GLT6D1: variants seen among roughly 807,000 people sequenced by gnomAD.
GLT6D1 encodes putative glycosyltransferase 6 domain-containing protein 1.
GLT6D1 carries 9 observed loss-of-function variants against 12.3 expected under a neutral mutation model. That is an observed-to-expected ratio of 0.73 (90% CI 0.44 to 1.27). The LOEUF (loss-of-function observed/expected upper bound fraction) is 1.27, where lower values mean the gene tolerates loss of function less well. Ranked by LOEUF, GLT6D1 falls within the 50% of genes most tolerant of loss-of-function variation. GLT6D1 has a pLI of 0.00. For missense variants in GLT6D1, 335 were observed against 346.2 expected (o/e 0.97, Z 0.26); for synonymous variants, 128 against 132.3 (o/e 0.97, Z 0.23).
At position 135,639,116 on chromosome 9, in the gene GLT6D1, C is replaced by T; in HGVS notation, c.71+1G>A. ...ATGATTTATCAATACTTTATATTTA[C>T]CTGAAATAACGCTCAACCAACATCA... On this transcript the variant is annotated splice_donor_variant, in intron 2 of 4. Coordinates refer to ENST00000371763, the MANE Select transcript of GLT6D1 (RefSeq NM_182974.3). LOFTEE classifies it high-confidence loss of function. 2.0e-6 allele frequency: 3 copies of T among 1,511,830 alleles called. No individual in the cohort carries two copies. Among genetic ancestry groups the T allele is most frequent in the African/African-American group, 2.8e-5 (2 of 72,554 alleles). 93.7% of individuals were successfully genotyped at this position (1,511,830 alleles called of 1,614,324 possible).
intron 3 of GLT6D1, 84 bp from the exon 4 acceptor site, chr9:135,626,290 G>C: frequency 2.1e-6 from 3 of 1,446,618 alleles, no homozygotes; most frequent in Non-Finnish European, 2.9e-6. Flanking sequence ...CTAATGCTTA[G>C]AGAGCACCTA....
intron 4 of GLT6D1, among the ~76,000 whole-genome samples, chr9:135,624,985 C>A (rs1256830471): frequency 1.3e-5 from 2 of 150,636 alleles, no homozygotes; most frequent in Non-Finnish European, 2.9e-5. Flanking sequence ...CTCAGGTGAT[C>A]CCACCCACCT....
chr9:135,626,280 C>A (rs1833516524), intron 3 of GLT6D1, 74 bp from the exon 4 acceptor site: 1 of 1,520,828 alleles, frequency 6.6e-7, no homozygotes. Flanking sequence ...GCAGTAATGC[C>A]TAATGCTTAG....
Position 135,623,962 on chromosome 9 carries a change from C to T in GLT6D1, c.*135G>A, listed in dbSNP as rs1833419447. 1 of 608,002 alleles carries T rather than the reference C, an allele frequency of 1.6e-6. No homozygotes were observed. Among genetic ancestry groups the T allele is most frequent in the Admixed American group, 3.4e-5 (1 of 29,618 alleles). 37.7% of individuals were successfully genotyped at this position (608,002 alleles called of 1,614,324 possible). A position where few individuals can be genotyped will look rare whatever the true frequency, so the allele number is the denominator to read the frequency against. On this transcript the variant is annotated 3_prime_UTR_variant, in exon 5 of 5. Coordinates refer to ENST00000371763, the MANE Select transcript of GLT6D1 (RefSeq NM_182974.3). The stretch of plus-strand genomic sequence containing the variant: ...GACTTCCCTCATTTATAAGAAATTG[C>T]CGTGATTCATTTATTCGTCATAAAC...
chr9:135,634,442 C>CTTTTTTTTTTTTTTTTTTTT (rs370291630), intron 2 of GLT6D1, among the ~76,000 whole-genome samples: 2 of 54,862 alleles, frequency 3.6e-5, no homozygotes, highest in Admixed American at 2.7e-4. Flanking sequence ...TTTTCCTTTC[C>CTTTTTTTTTTTTTTTTTTTT]TTTTTTTTTT....
chr9:135,634,442 C>CTCTTTT (rs1833719412), intron 2 of GLT6D1, among the ~76,000 whole-genome samples: 2 of 54,862 alleles, frequency 3.6e-5, no homozygotes, highest in African/African-American at 1.6e-4. Flanking sequence ...TTTTCCTTTC[C>CTCTTTT]TTTTTTTTTT....
At position 135,624,633 on chromosome 9, in the gene GLT6D1, C is replaced by T. The variant is rs547628590; in HGVS notation, c.295G>A (p.Ala99Thr). Residue 99 changes from alanine to threonine, a missense_variant, in exon 5 of 5, where the codon GCA becomes ACA. Coordinates refer to ENST00000371763, the MANE Select transcript of GLT6D1 (RefSeq NM_182974.3). Reference protein sequence around the residue: ...EEYLRPFLHSANKHFMTGYRV... With the variant: ...EEYLRPFLHSTNKHFMTGYRV... ...TAGCCTGTCATGAAGTGCTTATTTG[C>T]GGAGTGTAGGAACGGCCTCAGGTAC... is the stretch of plus-strand genomic sequence containing the variant. 2.2e-5 allele frequency: 35 copies of T among 1,606,478 alleles called. No homozygotes were observed. The highest frequency in any genetic ancestry group is 1.0e-4 in the South Asian group (9 of 90,230).
intron 2 of GLT6D1, among the ~76,000 whole-genome samples, chr9:135,634,679 T>G (rs1013068506): frequency 6.6e-6 from 1 of 151,946 alleles, no homozygotes; most frequent in African/African-American, 2.4e-5. Flanking sequence ...GAGTCCATAC[T>G]TTGGTTGGAT....
In GLT6D1 at chr9:135,624,342, C is replaced by A. The variant is rs182523305; in HGVS notation, c.586G>T (p.Ala196Ser). The change falls in exon 5 of 5, where the codon GCC becomes TCC. Residue 196 changes from alanine to serine, a missense_variant. Ala to Ser is a moderately conservative substitution (Grantham distance 99). Coordinates refer to ENST00000371763, the MANE Select transcript of GLT6D1 (RefSeq NM_182974.3). ...TLGPLVAQLH[A>S]WWYFRNTKNF... ...TTGGTGTTTCTGAAATACCACCAGG[C>A]GTGGAGCTGGGCCACCAACGGGCCC... The A allele has an allele frequency of 1.2e-6, 2 of 1,613,078 alleles. No homozygotes were observed. Among genetic ancestry groups the A allele is most frequent in the Admixed American group, 1.7e-5 (1 of 59,902 alleles).
chr9:135,624,432 C>T lies in GLT6D1; in HGVS notation c.496G>A (p.Val166Met), dbSNP rs1588197500. 1 of 1,614,182 alleles carries T rather than the reference C, an allele frequency of 6.2e-7. No individual in the cohort carries two copies. The highest frequency in any genetic ancestry group is 1.1e-5 in the South Asian group (1 of 91,080). ...EHIASHIQDE[V>M]DFLFSMAANQ... is the part of the protein sequence containing the mutation. ...GCAGCCATGCTGAAGAGGAAGTCCA[C>T]CTCGTCCTGGATGTGACTGGCGATG... is the stretch of plus-strand genomic sequence containing the variant. The change falls in exon 5 of 5, where the codon GTG becomes ATG. Residue 166 changes from valine to methionine, a missense_variant. Val to Met is a conservative substitution (Grantham distance 21). Coordinates refer to ENST00000371763, the MANE Select transcript of GLT6D1 (RefSeq NM_182974.3).
At chr9:135,634,442 C>CTTTTTTTTTTTTTTTTTTTTTTTTTCT (rs370291630) in intron 2 of GLT6D1, among the ~76,000 whole-genome samples, 3 of 54,860 alleles carry the variant, frequency 5.5e-5, no homozygotes, top group Non-Finnish European at 9.4e-5. Context: ...TTTTCCTTTC[C>CTTTTTTTTTTTTTTTTTTTTTTTTTCT]TTTTTTTTTT....
intron 3 of GLT6D1, among the ~76,000 whole-genome samples, chr9:135,631,077 C>T (rs1228969429): frequency 6.6e-6 from 1 of 152,066 alleles, no homozygotes; most frequent in Non-Finnish European, 1.5e-5. Context: ...GAACACAACA[C>T]AAAGTTGAAA....
intron 2 of GLT6D1, among the ~76,000 whole-genome samples, chr9:135,631,783 C>G (rs374981353): frequency 2.0e-5 from 3 of 152,078 alleles, no homozygotes; most frequent in African/African-American, 2.4e-5. Context: ...TATATTCAGA[C>G]AAAAACATAG....
chr9:135,633,034 C>A (rs370552904), intron 2 of GLT6D1, among the ~76,000 whole-genome samples: 23 of 152,150 alleles, frequency 1.5e-4, no homozygotes, highest in African/African-American at 5.3e-4. Flanking sequence ...CACGCACACA[C>A]GCAAGCACAC....
intron 3 of GLT6D1, among the ~76,000 whole-genome samples, chr9:135,628,325 T>C (rs948197021): frequency 6.6e-5 from 10 of 152,126 alleles, no homozygotes; most frequent in Non-Finnish European, 1.5e-4. Context: ...TTTCTGCATC[T>C]ATTGAGATGA....
At chr9:135,627,011 A>C (rs1408497029) in intron 3 of GLT6D1, among the ~76,000 whole-genome samples, 2 of 152,226 alleles carry the variant, frequency 1.3e-5, no homozygotes. Context: ...TCAACTTGAC[A>C]AAGAACATCT....
chr9:135,624,373 C>G lies in GLT6D1; in HGVS notation c.555G>C (p.Glu185Asp), dbSNP rs1457488394. 2 of 1,614,022 alleles carry G rather than the reference C, an allele frequency of 1.2e-6. No individual in the cohort carries two copies. Among genetic ancestry groups the G allele is most frequent in the East Asian group, 4.5e-5 (2 of 44,900 alleles). Residue 185 changes from glutamate to aspartate, a missense_variant, in exon 5 of 5, where the codon GAG (glutamate) becomes GAC (aspartate). By Grantham distance (45) the Glu-to-Asp change is conservative (BLOSUM62 2). Transcript: ENST00000371763. ...NQVFQNEFGV[E>D]TLGPLVAQLH... ...GCTGGGCCACCAACGGGCCCAGGGT[C>G]TCCACCCCGAACTCATTCTGGAAGA...
intron 3 of GLT6D1, among the ~76,000 whole-genome samples, chr9:135,629,934 T>C (rs1316365362): frequency 6.6e-6 from 1 of 152,228 alleles, no homozygotes; most frequent in African/African-American, 2.4e-5. Flanking sequence ...GCTGTTTGTA[T>C]GGTATACACT....
chr9:135,633,185 A>C (rs557082658), intron 2 of GLT6D1, among the ~76,000 whole-genome samples: 1 of 152,182 alleles, frequency 6.6e-6, no homozygotes, highest in Admixed American at 6.5e-5. Context: ...CTTGCTTTGC[A>C]GTTTGTGGAA....
Sources: gnomAD v4.1 joint callset for allele counts (sites outside exome capture counted in the v4.1 genomes callset) on GRCh38, gnomAD v4.1.1 for gene constraint, MANE v1.5 for transcripts, NCBI Gene and HGNC (gene_info 2026-07-23, HGNC 2026-07-21) for gene names.